Variants in KMT5B observed in about 807,000 individuals in gnomAD.
KMT5B encodes lysine methyltransferase 5B.
KMT5B carries 10 observed loss-of-function variants against 83.2 expected under a neutral mutation model. The observed-to-expected ratio is 0.12, with a 90% CI of 0.07 to 0.20. The LOEUF (loss-of-function observed/expected upper bound fraction) is 0.20, where lower values mean the gene tolerates loss of function less well. KMT5B is among the 10% of genes least tolerant of loss of function. The probability of loss-of-function intolerance (pLI) is 1.00; values close to 1 mark genes in which losing one functional copy is unlikely to be tolerated. For missense variants in KMT5B, 753 were observed against 1,067.2 expected (o/e 0.71, Z 4.10); for synonymous variants, 349 against 388.8 (o/e 0.90, Z 1.20).
At chr11:68,189,258 T>C (rs922972853) in intron 2 of KMT5B, among the ~76,000 whole-genome samples, 4 of 152,242 alleles carry the variant, frequency 2.6e-5, no homozygotes, top group African/African-American at 9.6e-5. Flanking sequence ...TATACACTTG[T>C]CCTCAGTCAT....
At position 68,170,541 on chromosome 11, in the gene KMT5B, T is replaced by C. The variant is rs149562000; in HGVS notation, c.977+474A>G. 8.5e-5 allele frequency among the ~76,000 whole-genome samples: 13 copies of C among 152,328 alleles called. No homozygotes were observed. The East Asian group carries it at 2.5e-3, about 29-fold the overall frequency. The stretch of plus-strand genomic sequence containing the variant: ...GATTTCTGTAAAGACTCCAGGACTC[T>C]TGATGAGACATAAGAAGAGGTTCCT... On this transcript the variant is annotated intron_variant, in intron 9 of 10. Transcript: ENST00000304363.
chr11:68,180,206 T>A lies in KMT5B; in HGVS notation c.309-6A>T. 6.4e-7 allele frequency: 1 copy of A among 1,565,346 alleles called. No individual in the cohort carries two copies. The highest frequency in any genetic ancestry group is 8.7e-7 in the Non-Finnish European group (1 of 1,143,316). On this transcript the variant is annotated splice_polypyrimidine_tract_variant and splice_region_variant and intron_variant, in intron 3 of 10. Coordinates refer to ENST00000304363, the MANE Select transcript of KMT5B (RefSeq NM_017635.5). Reference sequence around the variant, plus strand: ...AGCTCCTCGAAGGAAAGGCGCTATATAAATGCAAAAACAAACAACAAAAAT... The same window carrying A: ...AGCTCCTCGAAGGAAAGGCGCTATAAAAATGCAAAAACAAACAACAAAAAT...
chr11:68,173,068 T>A (rs182913184), intron 6 of KMT5B, among the ~76,000 whole-genome samples: 4 of 152,236 alleles, frequency 2.6e-5, no homozygotes, highest in Admixed American at 2.6e-4. Context: ...TGAGATAGAG[T>A]CTCACTCTAT....
At position 68,188,150 on chromosome 11, in the gene KMT5B, G is replaced by A. The variant is rs371527960; in HGVS notation, c.160+1767C>T. Among the ~76,000 whole-genome samples, 23 of 147,472 alleles carry A rather than the reference G, an allele frequency of 1.6e-4. No individual in the cohort carries two copies. The South Asian group carries it at 3.9e-3, about 25-fold the overall frequency. ...CACCATTCTCCCGCCTCAGCCTCACGAGTAGTTGGGACTACAGGCACCTGC... is the reference window on the plus strand; with the variant it reads ...CACCATTCTCCCGCCTCAGCCTCACAAGTAGTTGGGACTACAGGCACCTGC... On this transcript the variant is annotated intron_variant, in intron 2 of 10. Coordinates refer to ENST00000304363, the MANE Select transcript of KMT5B (RefSeq NM_017635.5).
chr11:68,164,721 G>T, intron 10 of KMT5B: 1 of 503,708 alleles, frequency 2.0e-6, no homozygotes. Flanking sequence ...CCCAATATCA[G>T]CAGTCCCTGC....
intron 10 of KMT5B, among the ~76,000 whole-genome samples, chr11:68,164,314 C>T (rs185665577): frequency 6.6e-6 from 1 of 152,246 alleles, no homozygotes; most frequent in Non-Finnish European, 1.5e-5. Flanking sequence ...AAATTCTAAA[C>T]GAACCACATG....
intron 3 of KMT5B, among the ~76,000 whole-genome samples, chr11:68,182,928 G>C (rs1485175823): frequency 6.6e-6 from 1 of 150,774 alleles, no homozygotes; most frequent in Non-Finnish European, 1.5e-5. Flanking sequence ...GTAGAGACGG[G>C]GTTTTCCATG....
In KMT5B at chr11:68,183,579, G is replaced by A. The variant is rs575933920; in HGVS notation, c.308+2202C>T. ...TCAGCATGTTGGCCAGGCTGGTCTC[G>A]AACTCCTGAGCTCAGGTGATCCACC... On this transcript the variant is annotated intron_variant, in intron 3 of 10. Coordinates refer to ENST00000304363, the MANE Select transcript of KMT5B (RefSeq NM_017635.5). Among the ~76,000 whole-genome samples the A allele has an allele frequency of 1.3e-4, 20 of 151,612 alleles. No individual in the cohort carries two copies. In the South Asian group the frequency reaches 1.7e-3, roughly 13 times the overall value.
chr11:68,167,758 C>G (rs1037595195), intron 9 of KMT5B, among the ~76,000 whole-genome samples: 2 of 152,140 alleles, frequency 1.3e-5, no homozygotes, highest in African/African-American at 4.8e-5. Flanking sequence ...AAGTCCAGCC[C>G]TTTAATAAAC....
chr11:68,168,524 CG>C (rs1461395928), intron 9 of KMT5B, among the ~76,000 whole-genome samples: 5 of 151,958 alleles, frequency 3.3e-5, no homozygotes, highest in African/African-American at 1.2e-4. Flanking sequence ...TTAGTAGAGA[CG>C]GGGTTTTGCC....
intron 1 of KMT5B, among the ~76,000 whole-genome samples, chr11:68,202,824 G>A (rs1016261419): frequency 6.6e-6 from 1 of 152,024 alleles, no homozygotes; most frequent in East Asian, 1.9e-4. Flanking sequence ...TGGGATTACA[G>A]GCGTAAGCCA....
intron 10 of KMT5B, among the ~76,000 whole-genome samples, chr11:68,165,426 C>T (rs1327524481): frequency 2.0e-5 from 3 of 152,032 alleles, no homozygotes; most frequent in Admixed American, 6.5e-5. Flanking sequence ...ATCGCTTGAA[C>T]TTGGGAGGCA....
intron 10 of KMT5B, among the ~76,000 whole-genome samples, chr11:68,163,464 C>T (rs1855033166): frequency 6.6e-6 from 1 of 152,156 alleles, no homozygotes; most frequent in Non-Finnish European, 1.5e-5. Context: ...GGTAAAGGCC[C>T]CACTGCATGG....
chr11:68,161,664 G>A (rs1039371564), intron 10 of KMT5B, among the ~76,000 whole-genome samples: 2 of 152,110 alleles, frequency 1.3e-5, no homozygotes, highest in African/African-American at 4.8e-5. Flanking sequence ...ATGTGACACT[G>A]ATAACCACTT....
intron 1 of KMT5B, among the ~76,000 whole-genome samples, chr11:68,204,907 G>A (rs1389312438): frequency 2.0e-5 from 3 of 152,016 alleles, no homozygotes; most frequent in Non-Finnish European, 2.9e-5. Context: ...GTGAGCCACC[G>A]TGCCCAGCCC....
intron 1 of KMT5B, among the ~76,000 whole-genome samples, chr11:68,197,591 A>G (rs1452521842): frequency 6.6e-6 from 1 of 152,226 alleles, no homozygotes; most frequent in Admixed American, 6.5e-5. Context: ...ACAGACTGAG[A>G]TCCACTCTAA....
At chr11:68,208,409 C>T (rs1426693082) in intron 1 of KMT5B, among the ~76,000 whole-genome samples, 4 of 151,746 alleles carry the variant, frequency 2.6e-5, no homozygotes, top group African/African-American at 4.8e-5. Flanking sequence ...GCCAAGATCG[C>T]GCCACTGCAC....
intron 10 of KMT5B, among the ~76,000 whole-genome samples, chr11:68,159,633 CAT>C (rs1854679016): frequency 6.6e-6 from 1 of 152,312 alleles, no homozygotes; most frequent in African/African-American, 2.4e-5. Context: ...TGGCCATTAA[CAT>C]AGAGTAGAAA....
chr11:68,175,686 T>C (rs996008436), intron 4 of KMT5B, among the ~76,000 whole-genome samples: 1 of 152,172 alleles, frequency 6.6e-6, no homozygotes, highest in African/African-American at 2.4e-5. Flanking sequence ...AGTATGATGA[T>C]GTAAACAAAA....
Sources: gnomAD v4.1 joint callset for allele counts (sites outside exome capture counted in the v4.1 genomes callset) on GRCh38, gnomAD v4.1.1 for gene constraint, MANE v1.5 for transcripts, NCBI Gene and HGNC (gene_info 2026-07-23, HGNC 2026-07-21) for gene names.